Variants in XPR1 observed in about 807,000 individuals in gnomAD.
XPR1 encodes the protein solute carrier family 53 member 1.
A neutral mutation model predicts 87.5 loss-of-function variants in XPR1; 28 were observed. The ratio of observed to expected loss-of-function variants is 0.32; its 90% CI spans 0.24 to 0.44. The LOEUF (loss-of-function observed/expected upper bound fraction) is 0.44. Ranked by LOEUF, XPR1 falls within the 20% of genes least tolerant of loss-of-function variation. XPR1 has a pLI of 1.00. For synonymous variants in XPR1, 300 were observed against 306.1 expected (o/e 0.98, Z 0.21); for missense variants, 559 against 862.3 (o/e 0.65, Z 4.41).
intron 11 of XPR1, among the ~76,000 whole-genome samples, chr1:180,855,163 A>G (rs1227578333): frequency 6.6e-6 from 1 of 152,182 alleles, no homozygotes; most frequent in Admixed American, 6.6e-5. Context: ...CTAAAGTTAA[A>G]TTCTTTTCAC....
intron 1 of XPR1, among the ~76,000 whole-genome samples, chr1:180,680,275 T>C (rs1297066494): frequency 1.3e-5 from 2 of 150,456 alleles, no homozygotes; most frequent in Non-Finnish European, 3.0e-5. Context: ...AAAAAAGAAG[T>C]CTTATACTCG....
At chr1:180,851,942 C>G (rs1351827224) in intron 11 of XPR1, among the ~76,000 whole-genome samples, 2 of 151,368 alleles carry the variant, frequency 1.3e-5, no homozygotes, top group East Asian at 1.9e-4. Context: ...TCAGTCACAT[C>G]CAGTTTTATT....
chr1:180,873,474 C>T (rs1652569032), intron 12 of XPR1, among the ~76,000 whole-genome samples: 1 of 152,196 alleles, frequency 6.6e-6, no homozygotes, highest in Non-Finnish European at 1.5e-5. Context: ...TAATCTCAAT[C>T]AATCAAGGAT....
intron 9 of XPR1, among the ~76,000 whole-genome samples, chr1:180,828,586 A>C (rs1279979498): frequency 6.6e-6 from 1 of 152,204 alleles, no homozygotes; most frequent in Non-Finnish European, 1.5e-5. Context: ...CTATAGTAAA[A>C]ATTTTACACA....
chr1:180,828,234 A>G (rs1332288603), intron 9 of XPR1, among the ~76,000 whole-genome samples: 1 of 152,180 alleles, frequency 6.6e-6, no homozygotes, highest in Non-Finnish European at 1.5e-5. Flanking sequence ...ACTGGGTGCC[A>G]TTTATATCCA....
intron 2 of XPR1, among the ~76,000 whole-genome samples, chr1:180,693,717 A>G (rs1167210888): frequency 6.6e-6 from 1 of 151,994 alleles, no homozygotes; most frequent in Non-Finnish European, 1.5e-5. Context: ...GGCCACTCCA[A>G]TCCGTGCCTC....
At chr1:180,763,904 A>T (rs1024462038) in intron 2 of XPR1, among the ~76,000 whole-genome samples, 1 of 152,226 alleles carries the variant, frequency 6.6e-6, no homozygotes, top group South Asian at 2.1e-4. Context: ...TGTACACAAT[A>T]ACCCTTTAAT....
intron 2 of XPR1, among the ~76,000 whole-genome samples, chr1:180,757,692 A>C (rs1359917665): frequency 1.3e-5 from 2 of 151,398 alleles, no homozygotes; most frequent in South Asian, 4.2e-4. Flanking sequence ...AATTTTTACA[A>C]ATTTTTTTGT....
chr1:180,655,240 G>A (rs1189441892), intron 1 of XPR1, among the ~76,000 whole-genome samples: 2 of 152,070 alleles, frequency 1.3e-5, no homozygotes, highest in Non-Finnish European at 2.9e-5. Context: ...ATCTGTTCAA[G>A]TCTTTTGTCC....
At chr1:180,855,661 T>C (rs1382779304) in intron 11 of XPR1, among the ~76,000 whole-genome samples, 1 of 126,602 alleles carries the variant, frequency 7.9e-6, no homozygotes, top group Non-Finnish European at 1.6e-5. Context: ...AGACTGTGTC[T>C]CAAAAAAAAA....
intron 2 of XPR1, among the ~76,000 whole-genome samples, chr1:180,768,630 T>C (rs529013391): frequency 3.3e-5 from 5 of 152,340 alleles, no homozygotes; most frequent in African/African-American, 1.2e-4. Flanking sequence ...GGCTAGTGAG[T>C]CTGAGGAGCA....
intron 14 of XPR1, 111 bp from the exon 15 acceptor site, chr1:180,883,895 G>C: frequency 1.1e-6 from 1 of 916,130 alleles, no homozygotes; most frequent in Non-Finnish European, 1.7e-6. Context: ...GATAGTCCCT[G>C]TTTAGGATGT....
intron 2 of XPR1, among the ~76,000 whole-genome samples, chr1:180,754,964 G>A (rs73036511): frequency 0.017 from 2,550 of 152,170 alleles, 80 homozygotes; most frequent in African/African-American, 0.056. Flanking sequence ...GCAACCATGG[G>A]ATATTACACA....
At chr1:180,776,460 ATAATGGAAATTATACAATTT>A (rs1156863610) in intron 2 of XPR1, among the ~76,000 whole-genome samples, 1 of 152,010 alleles carries the variant, frequency 6.6e-6, no homozygotes, top group African/African-American at 2.4e-5. Context: ...GAATAATTGT[ATAATGGAAATTATACAATTT>A]CCATTATACA....
At chr1:180,748,652 A>T (rs533254254) in intron 2 of XPR1, among the ~76,000 whole-genome samples, 2 of 151,974 alleles carry the variant, frequency 1.3e-5, no homozygotes. Flanking sequence ...TCCTGACCCC[A>T]GGTGATCCAC....
intron 2 of XPR1, among the ~76,000 whole-genome samples, chr1:180,694,616 A>G (rs1048099174): frequency 1.3e-5 from 2 of 151,296 alleles, no homozygotes; most frequent in Non-Finnish European, 2.9e-5. Context: ...GGATCAATGT[A>G]TTCCCCTTCC....
At chr1:180,730,301 T>C (rs918660624) in intron 2 of XPR1, among the ~76,000 whole-genome samples, 1 of 152,220 alleles carries the variant, frequency 6.6e-6, no homozygotes, top group African/African-American at 2.4e-5. Context: ...CCTCATTGTA[T>C]AGTTTGAAGT....
Position 180,645,218 on chromosome 1 carries a change from C to T in XPR1, c.69+12948C>T, listed in dbSNP as rs548379751. 9.2e-5 allele frequency among the ~76,000 whole-genome samples: 14 copies of T among 152,302 alleles called. No homozygotes were observed. The South Asian group carries it at 1.0e-3, about 11-fold the overall frequency. The stretch of plus-strand genomic sequence containing the variant: ...ACCTGGTTTATTCACAAATAGATTG[C>T]GGATCCATTCTTTCCCAGTTTGGGG... On this transcript the variant is annotated intron_variant, in intron 1 of 14. Coordinates refer to ENST00000367590, the MANE Select transcript of XPR1 (RefSeq NM_004736.4).
At chr1:180,748,039 T>C (rs1647333788) in intron 2 of XPR1, among the ~76,000 whole-genome samples, 1 of 152,236 alleles carries the variant, frequency 6.6e-6, no homozygotes. Context: ...TTACTATAAA[T>C]TATATCTTTG....
Sources: gnomAD v4.1 joint callset for allele counts (sites outside exome capture counted in the v4.1 genomes callset) on GRCh38, gnomAD v4.1.1 for gene constraint, MANE v1.5 for transcripts, NCBI Gene and HGNC (gene_info 2026-07-23, HGNC 2026-07-21) for gene names.